Variants in RYR3 observed in about 807,000 individuals in gnomAD.
RYR3 encodes ryanodine receptor 3, also known as brain ryanodine receptor-calcium release channel.
RYR3 carries 207 observed loss-of-function variants against 584.3 expected under a neutral mutation model. That is an observed-to-expected ratio of 0.35 (90% CI 0.32 to 0.40). The LOEUF (loss-of-function observed/expected upper bound fraction) is 0.40. RYR3 is among the 10% of genes least tolerant of loss of function. RYR3 has a pLI of 1.00. For synonymous variants in RYR3, 2,416 were observed against 2,248.5 expected (o/e 1.07, Z -2.11); for missense variants, 5,616 against 6,089.2 (o/e 0.92, Z 2.59).
intron 10 of RYR3, among the ~76,000 whole-genome samples, chr15:33,555,406 G>C (rs1435098): frequency 6.6e-6 from 1 of 152,124 alleles, no homozygotes; most frequent in Non-Finnish European, 1.5e-5. Flanking sequence ...TCAAATGCCT[G>C]AAGACAACAT....
At chr15:33,771,440 A>AG (rs143000758) in intron 62 of RYR3, among the ~76,000 whole-genome samples, 32,610 of 151,790 alleles carry the variant, frequency 0.21, 3,612 homozygotes, top group African/African-American at 0.25. Context: ...AGGCTGAGGC[A>AG]GGAGAATTGC....
intron 12 of RYR3, among the ~76,000 whole-genome samples, chr15:33,575,904 A>T (rs2058277468): frequency 6.6e-6 from 1 of 152,114 alleles, no homozygotes; most frequent in African/African-American, 2.4e-5. Context: ...TCAAATAGAC[A>T]CAATAAAAAA....
chr15:33,840,775 A>G, intron 89 of RYR3, 50 bp from the exon 90 acceptor site: 2 of 1,574,560 alleles, frequency 1.3e-6, no homozygotes, highest in Non-Finnish European at 8.7e-7. Context: ...TCTCATCATC[A>G]TGACCTCGCT....
Position 33,580,150 on chromosome 15 carries a change from T to A in RYR3, c.1437+6T>A. 1 of 1,587,042 alleles carries A rather than the reference T, an allele frequency of 6.3e-7. No homozygotes were observed. The highest frequency in any genetic ancestry group is 8.6e-7 in the Non-Finnish European group (1 of 1,166,252). ...AAAATCTTTTCAAGGAAGAGGTAAG[T>A]CGAAAAATGAAAAGTTGAAATTCAC... On this transcript the variant is annotated splice_donor_region_variant and intron_variant, in intron 13 of 103. Coordinates refer to ENST00000634891, the MANE Select transcript of RYR3 (RefSeq NM_001036.6).
At chr15:33,811,361 C>A (rs889654180) in intron 72 of RYR3, among the ~76,000 whole-genome samples, 13 of 151,954 alleles carry the variant, frequency 8.6e-5, no homozygotes, top group African/African-American at 3.1e-4. Context: ...AAAAGTTAGC[C>A]GGGCGTGGTG....
Position 33,674,516 on chromosome 15 carries a change from C to T in RYR3, c.5860+3960C>T, listed in dbSNP as rs77353190. 3.3e-5 allele frequency among the ~76,000 whole-genome samples: 5 copies of T among 152,190 alleles called. No homozygotes were observed. The East Asian group carries it at 7.7e-4, about 24-fold the overall frequency. Reference sequence around the variant, plus strand: ...CCAGGTCTTAATGCAGGGAACATGTCGTACTTGTTTCCACACTCAGCTCTA... The same window carrying T: ...CCAGGTCTTAATGCAGGGAACATGTTGTACTTGTTTCCACACTCAGCTCTA... On this transcript the variant is annotated intron_variant, in intron 38 of 103. Transcript: ENST00000634891.
intron 63 of RYR3, among the ~76,000 whole-genome samples, chr15:33,773,019 C>G (rs1351926902): frequency 6.6e-6 from 1 of 152,198 alleles, no homozygotes; most frequent in Non-Finnish European, 1.5e-5. Context: ...ATTGAATTGC[C>G]TTTTGCAGAA....
chr15:33,853,072 GT>G lies in RYR3; in HGVS notation c.13659del (p.Phe4553LeufsTer2). ...CTTTTCCTAATAACTACTGGGACAA[GT>G]TTGTAAAGAGAAAGGTATGCCTTGT... ...PSFPNNYWDKFVKRKVINKYG... is the reference protein window; with the variant it reads ...PSFPNNYWDKXVKRKVINKYG... On this transcript the variant is annotated frameshift_variant, in exon 95 of 104. Transcript: ENST00000634891. LOFTEE classifies it high-confidence loss of function. 6.2e-7 allele frequency: 1 copy of G among 1,602,124 alleles called. No individual in the cohort carries two copies. Among genetic ancestry groups the G allele is most frequent in the South Asian group, 1.1e-5 (1 of 88,208 alleles).
chr15:33,627,344 G>A (rs750328380), intron 20 of RYR3, among the ~76,000 whole-genome samples: 25 of 152,318 alleles, frequency 1.6e-4, no homozygotes, highest in African/African-American at 5.8e-4. Flanking sequence ...CCCCTGTGGC[G>A]AGATAGGAGC....
intron 15 of RYR3, among the ~76,000 whole-genome samples, chr15:33,585,205 C>A (rs1262098564): frequency 6.6e-6 from 1 of 152,196 alleles, no homozygotes; most frequent in East Asian, 1.9e-4. Context: ...GATCATCCAC[C>A]TACACACGTC....
chr15:33,314,484 C>T (rs1037280388), intron 1 of RYR3, among the ~76,000 whole-genome samples: 2 of 152,188 alleles, frequency 1.3e-5, no homozygotes, highest in Non-Finnish European at 2.9e-5. Flanking sequence ...AAACTTTTCT[C>T]TCCTACTTTT....
At chr15:33,334,901 C>A (rs1056485279) in intron 1 of RYR3, among the ~76,000 whole-genome samples, 1 of 151,834 alleles carries the variant, frequency 6.6e-6, no homozygotes, top group Non-Finnish European at 1.5e-5. Context: ...AGAAGACATA[C>A]ATGCAGTCAA....
intron 85 of RYR3, among the ~76,000 whole-genome samples, chr15:33,830,130 G>A (rs1031396887): frequency 1.3e-5 from 2 of 152,238 alleles, no homozygotes; most frequent in Non-Finnish European, 2.9e-5. Context: ...TGAGAAGACT[G>A]ACTCCAATTT....
Position 33,838,519 on chromosome 15 carries a change from T to C in RYR3, c.12539T>C (p.Leu4180Pro), listed in dbSNP as rs1249796499. 2 of 1,613,882 alleles carry C rather than the reference T, an allele frequency of 1.2e-6. No homozygotes were observed. Among genetic ancestry groups the C allele is most frequent in the Non-Finnish European group, 1.7e-6 (2 of 1,179,882 alleles). ...RNVKKMTAKE[L>P]VKVLFSFFWM... is the part of the protein sequence containing the mutation. ...GTGAAAAAGATGACTGCGAAGGAGC[T>C]GGTGAAGGTGCTCTTCTCCTTTTTC... The change falls in exon 89 of 104, where the codon CTG becomes CCG. Residue 4180 changes from leucine (L) to proline (P), a missense_variant. Around this residue, in one of 9 missense-constraint regions of RYR3, gnomAD observed 918 missense variants for 887.4 expected, o/e 1.03. Transcript: ENST00000634891.
At chr15:33,842,837 A>G (rs573832405) in intron 91 of RYR3, among the ~76,000 whole-genome samples, 1 of 152,340 alleles carries the variant, frequency 6.6e-6, no homozygotes, top group South Asian at 2.1e-4. Context: ...AGTGATCACG[A>G]AAATGCAGTC....
chr15:33,771,403 G>A (rs908191654), intron 62 of RYR3, among the ~76,000 whole-genome samples: 4 of 151,300 alleles, frequency 2.6e-5, no homozygotes, highest in East Asian at 2.0e-4. Context: ...GCGTGGTGGC[G>A]GGTGCCTGTA....
At chr15:33,458,324 C>T (rs145955525) in intron 1 of RYR3, among the ~76,000 whole-genome samples, 17 of 152,302 alleles carry the variant, frequency 1.1e-4, no homozygotes, top group Non-Finnish European at 1.9e-4. Context: ...AATTCTCCCA[C>T]TCTCTGTGTC....
At chr15:33,798,627 T>C (rs575118395) in intron 67 of RYR3, among the ~76,000 whole-genome samples, 13 of 152,208 alleles carry the variant, frequency 8.5e-5, no homozygotes, top group Non-Finnish European at 1.6e-4. Flanking sequence ...CTTAGTTACA[T>C]AGCTATAGTT....
chr15:33,591,623 T>G (rs1481993614), intron 16 of RYR3, among the ~76,000 whole-genome samples: 23 of 152,332 alleles, frequency 1.5e-4, no homozygotes, highest in Non-Finnish European at 4.4e-5. Flanking sequence ...TCTGCTAATA[T>G]AAATAATGTA....
Sources: gnomAD v4.1 joint callset for allele counts (sites outside exome capture counted in the v4.1 genomes callset) on GRCh38, gnomAD v4.1.1 for gene constraint, gnomAD v4.1.1 regional missense constraint, MANE v1.5 for transcripts, NCBI Gene and HGNC (gene_info 2026-07-23, HGNC 2026-07-21) for gene names.